The following RBPMS variants were observed in gnomAD, a reference collection of about 807,000 sequenced individuals.
RBPMS encodes RNA-binding protein with multiple splicing.
Under a neutral mutation model 26.8 loss-of-function variants are expected in RBPMS, and 7 were observed. The observed-to-expected ratio is 0.26, with a 90% confidence interval of 0.15 to 0.49. The LOEUF is 0.49. RBPMS is among the 20% of genes least tolerant of loss of function. RBPMS has a pLI of 0.98. For synonymous variants in RBPMS, 96 were observed against 93.3 expected (o/e 1.03, Z -0.17); for missense variants, 186 against 250.0 (o/e 0.74, Z 1.73).
chr8:30,441,611 T>G (rs1178089418), intron 1 of RBPMS, among the ~76,000 whole-genome samples: 4 of 150,840 alleles, frequency 2.7e-5, no homozygotes, highest in Non-Finnish European at 5.9e-5. Flanking sequence ...CTCCCGTGAT[T>G]GATTTTTTTT....
chr8:30,501,075 T>A (rs1820501646), intron 4 of RBPMS, among the ~76,000 whole-genome samples: 1 of 152,152 alleles, frequency 6.6e-6, no homozygotes, highest in Admixed American at 6.5e-5. Context: ...CCAGAAACTC[T>A]AGCAAATCCT....
chr8:30,481,020 ATT>A (rs1818214138), intron 4 of RBPMS, among the ~76,000 whole-genome samples: 1 of 152,226 alleles, frequency 6.6e-6, no homozygotes, highest in Non-Finnish European at 1.5e-5. Flanking sequence ...TCACTGACTC[ATT>A]TTCTGAACAA....
chr8:30,449,172 G>A (rs1814234867), intron 1 of RBPMS, among the ~76,000 whole-genome samples: 1 of 152,158 alleles, frequency 6.6e-6, no homozygotes, highest in South Asian at 2.1e-4. Context: ...GCCTGAAAAT[G>A]AAAGAAAAGA....
At chr8:30,549,346 TC>T (rs1826107168) in intron 6 of RBPMS, among the ~76,000 whole-genome samples, 1 of 152,228 alleles carries the variant, frequency 6.6e-6, no homozygotes, top group African/African-American at 2.4e-5. Flanking sequence ...TACTGTCTGC[TC>T]CAGAGCTGTG....
intron 7 of RBPMS, chr8:30,564,622 C>G (rs1234521650): frequency 1.3e-5 from 2 of 152,434 alleles, no homozygotes; most frequent in Non-Finnish European, 2.9e-5. Flanking sequence ...CCAACCTGCT[C>G]CTGCCCATTG....
chr8:30,470,975 C>G (rs1391017686), intron 1 of RBPMS, among the ~76,000 whole-genome samples: 1 of 151,994 alleles, frequency 6.6e-6, no homozygotes, highest in Non-Finnish European at 1.5e-5. Flanking sequence ...AATATTGATA[C>G]AAATATTGAC....
At chr8:30,544,000 C>G (rs1825649278) in intron 5 of RBPMS, among the ~76,000 whole-genome samples, 1 of 152,212 alleles carries the variant, frequency 6.6e-6, no homozygotes, top group Non-Finnish European at 1.5e-5. Context: ...GCTTGATGAT[C>G]ATTACTGACT....
At chr8:30,448,045 C>T (rs1488801356) in intron 1 of RBPMS, among the ~76,000 whole-genome samples, 1 of 152,140 alleles carries the variant, frequency 6.6e-6, no homozygotes, top group Non-Finnish European at 1.5e-5. Context: ...AATATATATG[C>T]TGTTAAAAGT....
At chr8:30,445,225 T>A (rs1211541825) in intron 1 of RBPMS, 2 of 152,122 alleles carry the variant, frequency 1.3e-5, no homozygotes, top group Non-Finnish European at 2.9e-5. Flanking sequence ...AATACACATA[T>A]TTACCCAGTC....
intron 5 of RBPMS, among the ~76,000 whole-genome samples, chr8:30,511,831 A>T (rs1585714896): frequency 6.6e-6 from 1 of 152,026 alleles, no homozygotes; most frequent in Admixed American, 6.5e-5. Flanking sequence ...CTCAAAAAAA[A>T]ATCAAGCTTC....
chr8:30,447,940 CT>C (rs1159560219), intron 1 of RBPMS, among the ~76,000 whole-genome samples: 2 of 152,166 alleles, frequency 1.3e-5, no homozygotes, highest in Non-Finnish European at 2.9e-5. Flanking sequence ...AGATAGCTCT[CT>C]GATACAAACA....
intron 1 of RBPMS, among the ~76,000 whole-genome samples, chr8:30,460,650 T>C (rs1815773164): frequency 1.3e-5 from 2 of 152,230 alleles, no homozygotes; most frequent in African/African-American, 4.8e-5. Context: ...AGATTTCTTA[T>C]ACTACCGTAA....
intron 5 of RBPMS, among the ~76,000 whole-genome samples, chr8:30,519,287 T>C (rs1245827267): frequency 6.6e-6 from 1 of 152,160 alleles, no homozygotes; most frequent in African/African-American, 2.4e-5. Context: ...GAATCATTCA[T>C]GTTTAACAGT....
chr8:30,494,978 A>G lies in RBPMS; in HGVS notation c.247-9308A>G, dbSNP rs576687726. On this transcript the variant is annotated intron_variant, in intron 4 of 8. Coordinates refer to ENST00000397323, the MANE Select transcript of RBPMS (RefSeq NM_001008710.3). ...TTCAAAGGAATAAAAGTGAAGCCAA[A>G]TGTACATTGTATTTTAAGAAGTGGC... Among the ~76,000 whole-genome samples the G allele has an allele frequency of 2.1e-3, 313 of 152,366 alleles. 1 individual carries two copies. The highest frequency in any genetic ancestry group is 3.3e-3 in the Non-Finnish European group (222 of 68,034).
At chr8:30,565,805 G>A (rs1315924120) in intron 7 of RBPMS, 2 of 152,550 alleles carry the variant, frequency 1.3e-5, no homozygotes, top group South Asian at 2.1e-4. Flanking sequence ...GCTGTTTCTG[G>A]ATCTTGCTGT....
intron 4 of RBPMS, among the ~76,000 whole-genome samples, chr8:30,495,717 C>G (rs1819871593): frequency 1.3e-5 from 2 of 152,190 alleles, no homozygotes. Flanking sequence ...TCTTTGCAAG[C>G]AATGCCCTTA....
rs1015909786 is a variant in RBPMS at position 30,556,174 on chromosome 8, G to A, written c.529-2713G>A. On this transcript the variant is annotated intron_variant, in intron 6 of 8. Transcript: ENST00000397323. ...GAGCAATGAATTCAGGGGTCTGTGT[G>A]TCCGCCACCCGCCACCACATCCACT... The A allele has an allele frequency of 6.3e-5, 62 of 985,432 alleles. No individual in the cohort carries two copies. The Middle Eastern group carries it at 3.7e-3, about 58-fold the overall frequency. 61.0% of individuals were successfully genotyped at this position (985,432 alleles called of 1,614,324 possible). A position where few individuals can be genotyped will look rare whatever the true frequency, so the allele number is the denominator to read the frequency against.
Position 30,470,277 on chromosome 8 carries a change from G to A in RBPMS, c.67-4502G>A, listed in dbSNP as rs542981590. ...TGGGCACCTGTAATCCCAGCTACTCGGGAGGCTAAGGCAGGAGAATGGCTT... is the reference window on the plus strand; with the variant it reads ...TGGGCACCTGTAATCCCAGCTACTCAGGAGGCTAAGGCAGGAGAATGGCTT... On this transcript the variant is annotated intron_variant, in intron 1 of 8. Transcript: ENST00000397323. Among the ~76,000 whole-genome samples, 372 of 151,926 alleles carry A rather than the reference G, an allele frequency of 2.4e-3. 1 individual carries two copies. The highest frequency in any genetic ancestry group is 8.6e-3 in the African/African-American group (356 of 41,432).
chr8:30,385,958 C>A (rs562245820), intron 1 of RBPMS, among the ~76,000 whole-genome samples: 1 of 152,156 alleles, frequency 6.6e-6, no homozygotes, highest in Admixed American at 6.6e-5. Context: ...CAGGAACAAA[C>A]GTTTCAGAAT....
Sources: gnomAD v4.1 joint callset for allele counts (sites outside exome capture counted in the v4.1 genomes callset) on GRCh38, gnomAD v4.1.1 for gene constraint, MANE v1.5 for transcripts, NCBI Gene and HGNC (gene_info 2026-07-23, HGNC 2026-07-21) for gene names.